Variants in RBM33 observed in about 807,000 individuals in gnomAD.
RBM33 encodes RNA binding motif protein 33.
RBM33 carries 28 observed loss-of-function variants against 132.6 expected under a neutral mutation model. That is an observed-to-expected ratio of 0.21 (90% CI 0.16 to 0.29). RBM33 has a LOEUF of 0.29. RBM33 is among the 10% of genes least tolerant of loss of function. The pLI is 1.00. For missense variants in RBM33, 1,291 were observed against 1,518.5 expected (o/e 0.85, Z 2.49); for synonymous variants, 634 against 593.0 (o/e 1.07, Z -1.01).
intron 1 of RBM33, among the ~76,000 whole-genome samples, chr7:155,655,559 T>TA (rs1195025723): frequency 2.7e-5 from 4 of 148,662 alleles, no homozygotes; most frequent in African/African-American, 9.9e-5. Context: ...TTTTTTTTTT[T>TA]ACTGTGCTGA....
intron 5 of RBM33, among the ~76,000 whole-genome samples, chr7:155,694,280 G>C (rs1297030892): frequency 1.3e-5 from 2 of 152,158 alleles, no homozygotes; most frequent in Non-Finnish European, 2.9e-5. Context: ...TAATTATAAA[G>C]ACTAAATATC....
chr7:155,665,678 A>G (rs1798782296), intron 2 of RBM33, among the ~76,000 whole-genome samples: 1 of 152,216 alleles, frequency 6.6e-6, no homozygotes, highest in South Asian at 2.1e-4. Flanking sequence ...CCTGGTTACC[A>G]GTGAAGATGA....
At chr7:155,718,249 T>C (rs958893058) in intron 8 of RBM33, 136 bp from the exon 9 acceptor site, 5 of 579,560 alleles carry the variant, frequency 8.6e-6, no homozygotes, top group Non-Finnish European at 1.5e-5. Context: ...ACTAAATGCT[T>C]AGCTTAAGCG....
At chr7:155,702,843 G>A (rs1260056931) in intron 6 of RBM33, among the ~76,000 whole-genome samples, 1 of 152,214 alleles carries the variant, frequency 6.6e-6, no homozygotes, top group Non-Finnish European at 1.5e-5. Context: ...AAAACATGAT[G>A]TATAAAAGCA....
chr7:155,653,375 G>A (rs1300946695), intron 1 of RBM33, among the ~76,000 whole-genome samples: 1 of 151,882 alleles, frequency 6.6e-6, no homozygotes, highest in Non-Finnish European at 1.5e-5. Context: ...GCTGTGGTAT[G>A]ATAAAAAATG....
At chr7:155,727,358 T>C (rs1800823165) in intron 9 of RBM33, among the ~76,000 whole-genome samples, 1 of 152,172 alleles carries the variant, frequency 6.6e-6, no homozygotes, top group Non-Finnish European at 1.5e-5. Context: ...AGTTTTTAGC[T>C]GGGCGGTGTT....
intron 15 of RBM33, among the ~76,000 whole-genome samples, chr7:155,764,868 G>GT (rs1202543068): frequency 1.3e-5 from 2 of 152,252 alleles, no homozygotes; most frequent in Non-Finnish European, 2.9e-5. Context: ...TCCTTTTGAA[G>GT]TACTTAAGTT....
intron 15 of RBM33, among the ~76,000 whole-genome samples, 191 bp from the exon 16 acceptor site, chr7:155,766,270 CACTTAA>C (rs1433803132): frequency 6.6e-6 from 1 of 152,126 alleles, no homozygotes; most frequent in Non-Finnish European, 1.5e-5. Context: ...CCTCCGCCTA[CACTTAA>C]ACTTGCTGGA....
At chr7:155,769,736 G>A (rs139884174) in intron 16 of RBM33, among the ~76,000 whole-genome samples, 14 of 152,136 alleles carry the variant, frequency 9.2e-5, no homozygotes, top group African/African-American at 3.1e-4. Flanking sequence ...AGTAGAAAAT[G>A]TTGGAATCTT....
At chr7:155,741,404 C>T (rs1801330963) in intron 12 of RBM33, among the ~76,000 whole-genome samples, 1 of 152,298 alleles carries the variant, frequency 6.6e-6, no homozygotes, top group Middle Eastern at 3.4e-3. Context: ...TTTCCTTGTT[C>T]CAGCTTAAAT....
At chr7:155,698,362 A>T (rs909688079) in intron 5 of RBM33, among the ~76,000 whole-genome samples, 1 of 69,158 alleles carries the variant, frequency 1.4e-5, no homozygotes, top group Non-Finnish European at 2.8e-5. Flanking sequence ...GCAAGACTCC[A>T]TCTCAGGGAA....
intron 14 of RBM33, among the ~76,000 whole-genome samples, chr7:155,753,121 A>T (rs1801736429): frequency 6.6e-6 from 1 of 152,224 alleles, no homozygotes; most frequent in Non-Finnish European, 1.5e-5. Flanking sequence ...CCCTTTCCCC[A>T]GTACTTCTGA....
At position 155,775,446 on chromosome 7, in the gene RBM33, G is replaced by A; in HGVS notation, c.*405G>A. 1 of 320,178 alleles carries A rather than the reference G, an allele frequency of 3.1e-6. No homozygotes were observed. The highest frequency in any genetic ancestry group is 6.1e-6 in the Non-Finnish European group (1 of 163,210). 19.8% of individuals were successfully genotyped at this position (320,178 alleles called of 1,614,324 possible). A position where few individuals can be genotyped will look rare whatever the true frequency, so the allele number is the denominator to read the frequency against. On this transcript the variant is annotated 3_prime_UTR_variant, in exon 18 of 18. Transcript: ENST00000401878. ...CAGCAAAGAATATTTGATAATGGTTGCACTTATCTTCAGTGCAGGTTAGAA... is the reference window on the plus strand; with the variant it reads ...CAGCAAAGAATATTTGATAATGGTTACACTTATCTTCAGTGCAGGTTAGAA...
chr7:155,756,830 G>A (rs1015019686), intron 14 of RBM33, among the ~76,000 whole-genome samples: 6 of 152,132 alleles, frequency 3.9e-5, no homozygotes, highest in African/African-American at 1.4e-4. Flanking sequence ...GCTTGGTGGT[G>A]GGTAGCATCT....
intron 5 of RBM33, among the ~76,000 whole-genome samples, chr7:155,681,526 C>G (rs963866941): frequency 6.6e-6 from 1 of 151,110 alleles, no homozygotes; most frequent in Non-Finnish European, 1.5e-5. Context: ...AAAAAATGTA[C>G]TAGTGTAAGA....
intron 14 of RBM33, among the ~76,000 whole-genome samples, chr7:155,750,114 G>A (rs73167173): frequency 0.027 from 4,161 of 152,226 alleles, 73 homozygotes; most frequent in Middle Eastern, 0.037. Context: ...AAAATTTTAT[G>A]TGCCTTCCTG....
In RBM33 at chr7:155,652,885, G is replaced by A. The variant is rs532722719; in HGVS notation, c.43+7966G>A. Among the ~76,000 whole-genome samples the A allele has an allele frequency of 2.0e-5, 3 of 152,186 alleles. No individual in the cohort carries two copies. In the East Asian group the frequency reaches 5.8e-4, roughly 29 times the overall value. On this transcript the variant is annotated intron_variant, in intron 1 of 17. Coordinates refer to ENST00000401878, the MANE Select transcript of RBM33 (RefSeq NM_053043.3). ...TTTAAAAAGTATTTGTATTCTAAAG[G>A]AAAACAGAGGGAAATGACTCAGAAT...
At chr7:155,677,727 A>G (rs1228461637) in intron 3 of RBM33, among the ~76,000 whole-genome samples, 1 of 152,206 alleles carries the variant, frequency 6.6e-6, no homozygotes. Flanking sequence ...AAGTTTTTAT[A>G]AGGTGTAACT....
At chr7:155,727,050 C>A (rs10249944) in intron 9 of RBM33, among the ~76,000 whole-genome samples, 89 of 152,182 alleles carry the variant, frequency 5.8e-4, no homozygotes, top group African/African-American at 2.0e-3. Flanking sequence ...GGCTGTGAAC[C>A]AGGCTGCGTT....
Sources: allele counts gnomAD v4.1 joint callset (sites outside exome capture counted in the v4.1 genomes callset), GRCh38; gene constraint gnomAD v4.1.1; transcripts MANE v1.5; gene names NCBI Gene and HGNC (gene_info 2026-07-23, HGNC 2026-07-21).